Variants in LPP observed in about 807,000 individuals in gnomAD.
The protein encoded by LPP is lipoma-preferred partner.
Under a neutral mutation model 60.4 loss-of-function variants are expected in LPP, and 38 were observed. The ratio of observed to expected loss-of-function variants is 0.63; its 90% CI spans 0.49 to 0.83. The LOEUF (loss-of-function observed/expected upper bound fraction) is 0.83. Ranked by LOEUF, LPP falls within the 40% of genes least tolerant of loss-of-function variation. The pLI is 0.00. For synonymous variants in LPP, 328 were observed against 290.8 expected (o/e 1.13, Z -1.30); for missense variants, 902 against 783.6 (o/e 1.15, Z -1.80).
intron 4 of LPP, among the ~76,000 whole-genome samples, chr3:188,469,582 C>A (rs116123132): frequency 2.0e-5 from 3 of 152,054 alleles, no homozygotes; most frequent in Admixed American, 2.0e-4. Flanking sequence ...CCCGAGGCTC[C>A]GTATGCAGTT....
At chr3:188,251,539 G>A (rs73059668) in intron 2 of LPP, among the ~76,000 whole-genome samples, 3,104 of 152,014 alleles carry the variant, frequency 0.02, 114 homozygotes, top group African/African-American at 0.07. Context: ...CAAAACCTAC[G>A]TGTATATGTT....
At chr3:188,680,994 CTTT>C (rs11307025) in intron 7 of LPP, among the ~76,000 whole-genome samples, 4 of 129,100 alleles carry the variant, frequency 3.1e-5, no homozygotes, top group Non-Finnish European at 3.3e-5. Flanking sequence ...GGTGCATTTC[CTTT>C]TTTTTTTTTT....
chr3:188,808,718 AG>A (rs1477291060), intron 9 of LPP, among the ~76,000 whole-genome samples: 2 of 152,230 alleles, frequency 1.3e-5, no homozygotes, highest in African/African-American at 4.8e-5. Context: ...CAGAACATGC[AG>A]GTTTGTTACA....
intron 5 of LPP, among the ~76,000 whole-genome samples, chr3:188,494,005 T>C (rs1384519315): frequency 6.6e-6 from 1 of 152,214 alleles, no homozygotes; most frequent in Admixed American, 6.5e-5. Context: ...GGAGTGGCTC[T>C]GGATATCTGT....
chr3:188,586,884 G>A (rs1271104228), intron 6 of LPP, among the ~76,000 whole-genome samples: 1 of 151,778 alleles, frequency 6.6e-6, no homozygotes, highest in African/African-American at 2.4e-5. Flanking sequence ...CGCACCATCA[G>A]GCCCAGCTAA....
chr3:188,214,542 G>C (rs1187893392), intron 1 of LPP, among the ~76,000 whole-genome samples: 6 of 152,200 alleles, frequency 3.9e-5, no homozygotes, highest in Non-Finnish European at 8.8e-5. Flanking sequence ...TAGAGCAGAG[G>C]AAGTGCTCTG....
chr3:188,745,763 T>G (rs2150238207), intron 8 of LPP, among the ~76,000 whole-genome samples: 1 of 152,268 alleles, frequency 6.6e-6, no homozygotes. Flanking sequence ...ACCACTCCCC[T>G]TCGTTCTCCT....
Position 188,572,908 on chromosome 3 carries a change from A to G in LPP, c.430-36253A>G. On this transcript the variant is annotated intron_variant, in intron 6 of 11. Transcript: ENST00000617246. The surrounding 1 kb of genome is among the most constrained non-coding windows in gnomAD (Gnocchi z 4.1). ...GAGTAAAAGAGCTCTGAGGGTCTCA[A>G]ACTGGCAATTCCACACTTTGACCTG... Among the ~76,000 whole-genome samples the G allele has an allele frequency of 6.6e-6, 1 of 152,142 alleles. No individual in the cohort carries two copies. Among genetic ancestry groups the G allele is most frequent in the East Asian group, 1.9e-4 (1 of 5,184 alleles).
At chr3:188,726,099 A>G (rs1257934266) in intron 8 of LPP, among the ~76,000 whole-genome samples, 1 of 152,178 alleles carries the variant, frequency 6.6e-6, no homozygotes, top group Admixed American at 6.6e-5. Context: ...AAGGGTTTCA[A>G]CAAGGGAACC....
intron 2 of LPP, among the ~76,000 whole-genome samples, chr3:188,262,475 A>G (rs1357651712): frequency 6.6e-6 from 1 of 152,126 alleles, no homozygotes; most frequent in Non-Finnish European, 1.5e-5. Flanking sequence ...CCATTTTGCT[A>G]TCAGACCTCA....
chr3:188,277,254 G>A (rs1367043094), intron 2 of LPP, among the ~76,000 whole-genome samples: 1 of 152,044 alleles, frequency 6.6e-6, no homozygotes, highest in Non-Finnish European at 1.5e-5. Flanking sequence ...TTATAGCAGG[G>A]CAAGAATGGT....
intron 6 of LPP, among the ~76,000 whole-genome samples, chr3:188,599,751 G>GGGGGGTGTGTGT (rs374294307): frequency 2.1e-5 from 3 of 139,828 alleles, no homozygotes; most frequent in East Asian, 4.3e-4. Flanking sequence ...ACTCGTTAGG[G>GGGGGGTGTGTGT]GTGTGTGTGT....
chr3:188,433,954 A>G (rs769683317), intron 4 of LPP, among the ~76,000 whole-genome samples: 1 of 152,184 alleles, frequency 6.6e-6, no homozygotes, highest in Non-Finnish European at 1.5e-5. Flanking sequence ...GATAGTCCAC[A>G]TCGTGAGAGA....
chr3:188,288,942 A>G (rs1362946697), intron 2 of LPP, among the ~76,000 whole-genome samples: 1 of 151,608 alleles, frequency 6.6e-6, no homozygotes, highest in Non-Finnish European at 1.5e-5. Context: ...GGGAAGATAG[A>G]GATAAGATTT....
At chr3:188,378,669 G>A (rs2378416) in intron 3 of LPP, among the ~76,000 whole-genome samples, 52,997 of 151,942 alleles carry the variant, frequency 0.35, 10,769 homozygotes, top group Middle Eastern at 0.62. Context: ...CCTGGGTGAG[G>A]TGATGCCTCA....
intron 2 of LPP, among the ~76,000 whole-genome samples, chr3:188,245,467 G>A (rs1412523013): frequency 1.3e-5 from 2 of 152,126 alleles, no homozygotes; most frequent in African/African-American, 4.8e-5. Context: ...CTGGCCCAGA[G>A]CCATTAGCAG....
chr3:188,366,511 G>A (rs1031024947), intron 3 of LPP, among the ~76,000 whole-genome samples: 2 of 152,068 alleles, frequency 1.3e-5, no homozygotes, highest in African/African-American at 4.8e-5. Flanking sequence ...TCCTCAATGC[G>A]TCATTTCTTA....
At chr3:188,164,896 G>T (rs549001412) in intron 1 of LPP, among the ~76,000 whole-genome samples, 1 of 152,052 alleles carries the variant, frequency 6.6e-6, no homozygotes, top group South Asian at 2.1e-4. Context: ...GGGTTTCGAC[G>T]ATGGAAACGT....
At chr3:188,745,819 G>A (rs1725978890) in intron 8 of LPP, among the ~76,000 whole-genome samples, 1 of 152,054 alleles carries the variant, frequency 6.6e-6, no homozygotes, top group South Asian at 2.1e-4. Flanking sequence ...CAAAACTGTG[G>A]AGTTCTTTGG....
Sources: allele counts gnomAD v4.1 joint callset (sites outside exome capture counted in the v4.1 genomes callset), GRCh38; gene constraint gnomAD v4.1.1; non-coding constraint Gnocchi (gnomAD v3.1); transcripts MANE v1.5; gene names NCBI Gene and HGNC (gene_info 2026-07-23, HGNC 2026-07-21).